Variants in PRLR observed in about 807,000 individuals in gnomAD.
PRLR encodes the protein hPRL receptor.
In PRLR, 13 loss-of-function variants were observed where a neutral mutation model predicts 40.2. The observed-to-expected ratio is 0.32, with a 90% CI of 0.21 to 0.51. The LOEUF (loss-of-function observed/expected upper bound fraction) is 0.51, where lower values mean the gene tolerates loss of function less well. PRLR is among the 20% of genes least tolerant of loss of function. The pLI is 0.97. For missense variants in PRLR, 656 were observed against 747.3 expected, an observed-to-expected ratio of 0.88 and a Z score of 1.42; for synonymous variants, 269 against 278.7, an observed-to-expected ratio of 0.97 and a Z score of 0.35.
intron 1 of PRLR, among the ~76,000 whole-genome samples, chr5:35,119,347 T>C (rs533895246): frequency 6.4e-4 from 98 of 151,946 alleles, no homozygotes; most frequent in Middle Eastern, 3.4e-3. Flanking sequence ...GGTTGGCCAC[T>C]AGCACCCTCA....
intron 1 of PRLR, among the ~76,000 whole-genome samples, chr5:35,133,275 C>A (rs572078226): frequency 9.9e-5 from 15 of 152,124 alleles, no homozygotes; most frequent in Non-Finnish European, 1.8e-4. Context: ...GACTTCTTGC[C>A]TCCATAATCG....
intron 1 of PRLR, among the ~76,000 whole-genome samples, chr5:35,200,309 G>A (rs1451662099): frequency 2.0e-5 from 3 of 152,104 alleles, no homozygotes; most frequent in South Asian, 2.1e-4. Flanking sequence ...CAATTCTATC[G>A]TGGCTACATG....
At chr5:35,151,974 T>C (rs1272124316) in intron 1 of PRLR, among the ~76,000 whole-genome samples, 1 of 152,224 alleles carries the variant, frequency 6.6e-6, no homozygotes, top group Non-Finnish European at 1.5e-5. Context: ...AGGTTGGGCT[T>C]GTTTGTTACC....
intron 6 of PRLR, among the ~76,000 whole-genome samples, chr5:35,070,964 A>G (rs1331539930): frequency 1.3e-5 from 2 of 152,170 alleles, no homozygotes; most frequent in Admixed American, 6.6e-5. Flanking sequence ...AGAATTGGGC[A>G]TTCATGTATG....
At chr5:35,122,622 A>C (rs1773329413) in intron 1 of PRLR, among the ~76,000 whole-genome samples, 1 of 152,240 alleles carries the variant, frequency 6.6e-6, no homozygotes, top group South Asian at 2.1e-4. Flanking sequence ...TAGTCCTGAC[A>C]AATTGTCAGA....
intron 1 of PRLR, among the ~76,000 whole-genome samples, chr5:35,126,029 G>T (rs1299631270): frequency 6.6e-6 from 1 of 152,130 alleles, no homozygotes; most frequent in Non-Finnish European, 1.5e-5. Flanking sequence ...TGTCTGTTTT[G>T]CTATCCAAAG....
intron 1 of PRLR, among the ~76,000 whole-genome samples, chr5:35,211,434 G>T (rs1227816003): frequency 6.6e-6 from 1 of 152,182 alleles, no homozygotes; most frequent in African/African-American, 2.4e-5. Context: ...ATGAGGAAGT[G>T]GGGGTTGTTT....
intron 1 of PRLR, among the ~76,000 whole-genome samples, chr5:35,196,025 C>T (rs1342742843): frequency 1.2e-4 from 4 of 33,980 alleles, no homozygotes; most frequent in Non-Finnish European, 2.7e-4. Context: ...TATGAAATAT[C>T]GGCTCTCCCT....
chr5:35,179,932 A>G (rs1030818943), intron 1 of PRLR, among the ~76,000 whole-genome samples: 5 of 152,276 alleles, frequency 3.3e-5, no homozygotes, highest in Non-Finnish European at 7.3e-5. Context: ...TATTTCTATT[A>G]TTATTACCTT....
rs34642253 is a variant in PRLR, at chr5:35,144,123, CAAAA to C, written c.-105-26005_-105-26002del. The stretch of plus-strand genomic sequence containing the variant: ...ATGCCACAGATTTTCAACAAGCTTC[CAAAA>C]AAAAAAAAAAAAAAACCCAGAACAA... On this transcript the variant is annotated intron_variant, in intron 1 of 9. Transcript: ENST00000618457. Among the ~76,000 whole-genome samples, 5 of 109,092 alleles carry C rather than the reference CAAAA, an allele frequency of 4.6e-5. No individual in the cohort carries two copies. The Admixed American group carries it at 5.0e-4, about 11-fold the overall frequency. The allele number at this position is 109,092 out of a possible 152,430, so 71.6% of individuals were successfully genotyped here.
intron 1 of PRLR, among the ~76,000 whole-genome samples, chr5:35,226,328 C>T (rs977577948): frequency 3.3e-5 from 5 of 152,198 alleles, no homozygotes; most frequent in African/African-American, 1.2e-4. Context: ...ATACCAGCTT[C>T]ATAACCTTGG....
At chr5:35,185,567 T>A (rs1775404046) in intron 1 of PRLR, among the ~76,000 whole-genome samples, 1 of 152,184 alleles carries the variant, frequency 6.6e-6, no homozygotes, top group South Asian at 2.1e-4. Flanking sequence ...AAAATCCCCA[T>A]GGCAACGTAC....
At chr5:35,223,242 T>C (rs1168123799) in intron 1 of PRLR, among the ~76,000 whole-genome samples, 1 of 152,280 alleles carries the variant, frequency 6.6e-6, no homozygotes, top group East Asian at 1.9e-4. Context: ...GTCCCATGAT[T>C]ATGATATAAA....
chr5:35,074,203 G>A (rs1294952321), intron 5 of PRLR, among the ~76,000 whole-genome samples: 3 of 152,156 alleles, frequency 2.0e-5, no homozygotes, highest in African/African-American at 7.2e-5. Context: ...GCTTATGCCT[G>A]TAATCCTACC....
intron 5 of PRLR, among the ~76,000 whole-genome samples, chr5:35,074,012 C>T (rs1218282522): frequency 6.6e-6 from 1 of 152,132 alleles, no homozygotes; most frequent in African/African-American, 2.4e-5. Context: ...CTTAGAGTTG[C>T]CATATTGCCC....
At chr5:35,127,123 C>T (rs1337754779) in intron 1 of PRLR, among the ~76,000 whole-genome samples, 1 of 152,198 alleles carries the variant, frequency 6.6e-6, no homozygotes, top group East Asian at 1.9e-4. Flanking sequence ...CTCATTCATA[C>T]TTAAGCCAGA....
intron 1 of PRLR, among the ~76,000 whole-genome samples, chr5:35,149,094 A>G (rs2111854070): frequency 6.6e-6 from 1 of 152,296 alleles, no homozygotes; most frequent in South Asian, 2.1e-4. Context: ...CACCAAATAA[A>G]TAAAGTTCAT....
chr5:35,087,804 C>T (rs1382709212), intron 3 of PRLR, among the ~76,000 whole-genome samples: 2 of 152,104 alleles, frequency 1.3e-5, no homozygotes, highest in African/African-American at 4.8e-5. Context: ...ACAGCAGAGC[C>T]CTGGGAATTT....
chr5:35,192,126 TG>T (rs1430362726), intron 1 of PRLR, among the ~76,000 whole-genome samples: 1 of 152,196 alleles, frequency 6.6e-6, no homozygotes, highest in Admixed American at 6.5e-5. Context: ...ACATACTTCT[TG>T]GGGACAAGGG....
Sources: gnomAD v4.1 joint callset for allele counts (sites outside exome capture counted in the v4.1 genomes callset) on GRCh38, gnomAD v4.1.1 for gene constraint, MANE v1.5 for transcripts, NCBI Gene and HGNC (gene_info 2026-07-23, HGNC 2026-07-21) for gene names.